The following TMEM14A variants were observed in gnomAD, a reference collection of about 807,000 sequenced individuals.
TMEM14A encodes the protein transmembrane protein 14A.
Under a neutral mutation model 11.6 loss-of-function variants are expected in TMEM14A, and 8 were observed. The observed-to-expected ratio is 0.69, with a 90% confidence interval of 0.40 to 1.24. The LOEUF (loss-of-function observed/expected upper bound fraction) is 1.24. Among genes scored for constraint, TMEM14A ranks in the 50% most tolerant of loss-of-function variants. The pLI, the probability that TMEM14A is intolerant of heterozygous loss-of-function variation, is 0.01. For missense variants in TMEM14A, 108 were observed against 121.9 expected (o/e 0.89, Z 0.54); for synonymous variants, 34 against 45.5 (o/e 0.75, Z 1.02).
rs192302585 is a variant in TMEM14A, at chr6:52,673,435, C to T, written c.-17+2190C>T. 4.3e-4 allele frequency among the ~76,000 whole-genome samples: 64 copies of T among 149,570 alleles called. 1 individual carries two copies. The highest frequency in any genetic ancestry group is 8.0e-4 in the Admixed American group (12 of 14,944). ...GCATAAATTGCATGATGTTTGCAAG[C>T]GGTTGTTTTCCTGCCCAGCTCACCA... On this transcript the variant is annotated intron_variant, in intron 1 of 4. Transcript: ENST00000211314.
intron 3 of TMEM14A, 93 bp downstream of exon 3, chr6:52,682,007 C>A: frequency 1.0e-6 from 1 of 958,258 alleles, no homozygotes; most frequent in Non-Finnish European, 1.6e-6. Context: ...CATATTTAGT[C>A]AAATGGCAAA....
chr6:52,677,279 A>G lies in TMEM14A; in HGVS notation c.70+107A>G, dbSNP rs148389504. ...GGATGAGAAGCTAAAGATGCCTTAGAGGTGGCTGAAGACCAGCGTGTCTTG... is the reference window on the plus strand; with the variant it reads ...GGATGAGAAGCTAAAGATGCCTTAGGGGTGGCTGAAGACCAGCGTGTCTTG... On this transcript the variant is annotated intron_variant, in intron 2 of 4. Coordinates refer to ENST00000211314, the MANE Select transcript of TMEM14A (RefSeq NM_014051.4). 7.5e-6 allele frequency: 9 copies of G among 1,201,666 alleles called. No homozygotes were observed. In the East Asian group the frequency reaches 1.9e-4, roughly 25 times the overall value. 74.4% of individuals were successfully genotyped at this position (1,201,666 alleles called of 1,614,324 possible).
intron 1 of TMEM14A, among the ~76,000 whole-genome samples, chr6:52,676,058 G>A (rs1217990083): frequency 1.3e-5 from 2 of 152,198 alleles, no homozygotes. Flanking sequence ...GAAGATTGTA[G>A]TGTCACAGTT....
chr6:52,676,974 T>G, intron 1 of TMEM14A, 113 bp from the exon 2 acceptor site: 1 of 934,734 alleles, frequency 1.1e-6, no homozygotes, highest in Non-Finnish European at 1.7e-6. Flanking sequence ...CAATTCAACA[T>G]GAAATTTGGG....
intron 2 of TMEM14A, among the ~76,000 whole-genome samples, chr6:52,680,704 TACAC>T (rs1554137484): frequency 1.8e-4 from 9 of 51,058 alleles, no homozygotes; most frequent in Non-Finnish European, 2.7e-4. Flanking sequence ...TATATATATA[TACAC>T]ATATATATAT....
chr6:52,675,928 G>A (rs1156964106), intron 1 of TMEM14A, among the ~76,000 whole-genome samples: 1 of 152,178 alleles, frequency 6.6e-6, no homozygotes, highest in Non-Finnish European at 1.5e-5. Context: ...GAAATTAGGA[G>A]GTAATTAATA....
In TMEM14A at chr6:52,686,474, TTTAA is replaced by T; in HGVS notation, c.*428_*431del. Reference sequence around the variant, plus strand: ...TTATTAGAAATTATGCTTTTTCCATTTTAATTGTATTGCTGCCAGTGCTATTTTT... The same window carrying T: ...TTATTAGAAATTATGCTTTTTCCATTTTGTATTGCTGCCAGTGCTATTTTT... On this transcript the variant is annotated 3_prime_UTR_variant, in exon 5 of 5. Transcript: ENST00000211314. 1 of 385,018 alleles carries T rather than the reference TTTAA, an allele frequency of 2.6e-6. No homozygotes were observed. Among genetic ancestry groups the T allele is most frequent in the Admixed American group, 4.5e-5 (1 of 22,240 alleles). 23.9% of individuals were successfully genotyped at this position (385,018 alleles called of 1,614,324 possible).
intron 1 of TMEM14A, among the ~76,000 whole-genome samples, chr6:52,676,572 A>T (rs1769260953): frequency 6.6e-6 from 1 of 152,184 alleles, no homozygotes; most frequent in South Asian, 2.1e-4. Flanking sequence ...TTTCTTTAGT[A>T]GACTAGAGAA....
chr6:52,675,494 C>T (rs979373117), intron 1 of TMEM14A, among the ~76,000 whole-genome samples: 1 of 152,184 alleles, frequency 6.6e-6, no homozygotes, highest in Non-Finnish European at 1.5e-5. Flanking sequence ...GCCCAGTGGC[C>T]ACATCTCTAG....
At chr6:52,680,706 C>CATATATGTATATAT (rs1397954310) in intron 2 of TMEM14A, among the ~76,000 whole-genome samples, 22 of 24,464 alleles carry the variant, frequency 9.0e-4, no homozygotes, top group South Asian at 2.2e-3. Flanking sequence ...TATATATATA[C>CATATATGTATATAT]ACATATATAT....
chr6:52,683,076 A>G (rs532349678), intron 3 of TMEM14A, among the ~76,000 whole-genome samples: 13 of 152,314 alleles, frequency 8.5e-5, no homozygotes, highest in African/African-American at 2.9e-4. Flanking sequence ...TGTGGGTCCA[A>G]GTGTGCTACT....
chr6:52,677,725 T>A (rs762983543), intron 2 of TMEM14A, among the ~76,000 whole-genome samples: 77 of 152,342 alleles, frequency 5.1e-4, no homozygotes, highest in Non-Finnish European at 9.6e-4. Context: ...GTCTCCTAGT[T>A]ATGTTTCATA....
At chr6:52,678,178 G>T (rs1769294818) in intron 2 of TMEM14A, among the ~76,000 whole-genome samples, 1 of 152,030 alleles carries the variant, frequency 6.6e-6, no homozygotes, top group Non-Finnish European at 1.5e-5. Context: ...TGCTAAGATT[G>T]TTTTTGAAAA....
chr6:52,671,896 C>T (rs1025486938), intron 1 of TMEM14A, among the ~76,000 whole-genome samples: 5 of 152,220 alleles, frequency 3.3e-5, no homozygotes, highest in African/African-American at 1.2e-4. Context: ...GTTAACACAG[C>T]CTCTGGCTTT....
Position 52,680,689 on chromosome 6 carries a change from A to ATGTGTGTGTG in TMEM14A, c.71-1121_71-1120insGTGTGTGTGT, listed in dbSNP as rs371504929. Reference sequence around the variant, plus strand: ...TATGTGTATATATATATATACATATATGTATATATATATATACACATATAT... The same window carrying ATGTGTGTGTG: ...TATGTGTATATATATATATACATATATGTGTGTGTGTGTATATATATATATACACATATAT... On this transcript the variant is annotated intron_variant, in intron 2 of 4. Transcript: ENST00000211314. Among the ~76,000 whole-genome samples the ATGTGTGTGTG allele has an allele frequency of 8.8e-5, 5 of 56,952 alleles. 1 individual carries two copies. The highest frequency in any genetic ancestry group is 2.9e-4 in the African/African-American group (5 of 16,964). 37.4% of individuals were successfully genotyped at this position (56,952 alleles called of 152,430 possible).
At position 52,686,026 on chromosome 6, in the gene TMEM14A, A is replaced by C; in HGVS notation, c.277A>C (p.Arg93=). Residue 93 remains arginine, a synonymous_variant, in exon 5 of 5, where the codon AGA becomes CGA. Transcript: ENST00000211314. ...TAAATCCAGCCTCATGATGATCCTG[A>C]GACTTGTCTTGTTGCTGCTCTGAGC... The part of the protein sequence containing the change: ...VAGLSLMMIL[R]LVLLLL 6.2e-7 allele frequency: 1 copy of C among 1,611,684 alleles called. No individual in the cohort carries two copies. The highest frequency in any genetic ancestry group is 8.5e-7 in the Non-Finnish European group (1 of 1,179,008).
At chr6:52,680,593 T>A (rs9382131) in intron 2 of TMEM14A, among the ~76,000 whole-genome samples, 9,826 of 95,418 alleles carry the variant, frequency 0.1, 799 homozygotes, top group African/African-American at 0.19. Context: ...ATTTATATAT[T>A]TATATATATA....
rs371504929 is a variant in TMEM14A at position 52,680,689 on chromosome 6, A to ATGTGTGTG, written c.71-1121_71-1120insGTGTGTGT. 3.7e-4 allele frequency among the ~76,000 whole-genome samples: 21 copies of ATGTGTGTG among 56,950 alleles called. 1 individual carries two copies. The highest frequency in any genetic ancestry group is 1.1e-3 in the African/African-American group (18 of 16,962). 37.4% of individuals were successfully genotyped at this position (56,950 alleles called of 152,430 possible). ...TATGTGTATATATATATATACATAT[A>ATGTGTGTG]TGTATATATATATATACACATATAT... is the stretch of plus-strand genomic sequence containing the variant. On this transcript the variant is annotated intron_variant, in intron 2 of 4. Transcript: ENST00000211314.
Position 52,677,296 on chromosome 6 carries a change from C to T in TMEM14A, c.70+124C>T, listed in dbSNP as rs1581742887. 9.6e-6 allele frequency: 10 copies of T among 1,040,522 alleles called. No individual in the cohort carries two copies. In the Middle Eastern group the frequency reaches 1.0e-3, roughly 107 times the overall value. 64.5% of individuals were successfully genotyped at this position (1,040,522 alleles called of 1,614,324 possible). A position where few individuals can be genotyped will look rare whatever the true frequency, so the allele number is the denominator to read the frequency against. The stretch of plus-strand genomic sequence containing the variant: ...TGCCTTAGAGGTGGCTGAAGACCAG[C>T]GTGTCTTGGAAGGGACTCATGAAAG... On this transcript the variant is annotated intron_variant, in intron 2 of 4. Coordinates refer to ENST00000211314, the MANE Select transcript of TMEM14A (RefSeq NM_014051.4).
Sources: gnomAD v4.1 joint callset for allele counts (sites outside exome capture counted in the v4.1 genomes callset) on GRCh38, gnomAD v4.1.1 for gene constraint, MANE v1.5 for transcripts, NCBI Gene and HGNC (gene_info 2026-07-23, HGNC 2026-07-21) for gene names.